The following CSMD1 variants were observed in gnomAD, a reference collection of about 807,000 sequenced individuals.
The protein encoded by CSMD1 is CUB and sushi domain-containing protein 1.
In CSMD1, 213 loss-of-function variants were observed where a neutral mutation model predicts 417.5. That is an observed-to-expected ratio of 0.51 (90% CI 0.46 to 0.57). The LOEUF is 0.57. Ranked by LOEUF, CSMD1 falls within the 20% of genes least tolerant of loss-of-function variation. CSMD1 has a pLI of 0.00. For synonymous variants in CSMD1, 2,862 were observed against 1,736.8 expected (o/e 1.65, Z -16.11); for missense variants, 6,923 against 4,529.7 (o/e 1.53, Z -15.17).
At chr8:4,323,743 C>G (rs533658678) in intron 3 of CSMD1, among the ~76,000 whole-genome samples, 49 of 131,770 alleles carry the variant, frequency 3.7e-4, no homozygotes, top group Non-Finnish European at 7.7e-4. Flanking sequence ...CACATCCGCT[C>G]ACTCAAATAT....
At chr8:3,796,821 G>T (rs973580492) in intron 5 of CSMD1, among the ~76,000 whole-genome samples, 1 of 151,238 alleles carries the variant, frequency 6.6e-6, no homozygotes, top group Non-Finnish European at 1.5e-5. Flanking sequence ...ATCAACATAA[G>T]AGATAAGCTT....
chr8:3,879,283 A>G (rs1036146589), intron 5 of CSMD1, among the ~76,000 whole-genome samples: 6 of 152,198 alleles, frequency 3.9e-5, no homozygotes, highest in African/African-American at 9.6e-5. Context: ...ATATGTATCA[A>G]TATCAAATGT....
At chr8:4,571,626 C>T (rs188494722) in intron 2 of CSMD1, among the ~76,000 whole-genome samples, 83 of 152,172 alleles carry the variant, frequency 5.5e-4, no homozygotes, top group Non-Finnish European at 9.9e-4. Flanking sequence ...CTGTTAATTT[C>T]GGGTGGACAG....
intron 3 of CSMD1, among the ~76,000 whole-genome samples, chr8:4,151,674 G>A (rs1796577092): frequency 2.0e-5 from 3 of 152,042 alleles, no homozygotes; most frequent in Admixed American, 2.0e-4. Context: ...CAACATTATA[G>A]GTGAAAAAAA....
At chr8:3,424,914 G>A (rs1195055789) in intron 12 of CSMD1, among the ~76,000 whole-genome samples, 1 of 152,160 alleles carries the variant, frequency 6.6e-6, no homozygotes, top group Non-Finnish European at 1.5e-5. Flanking sequence ...GACTCACTAT[G>A]ATCTCAGGCT....
At chr8:4,884,529 C>T (rs75094459) in intron 1 of CSMD1, among the ~76,000 whole-genome samples, 2 of 151,782 alleles carry the variant, frequency 1.3e-5, no homozygotes, top group African/African-American at 2.4e-5. Flanking sequence ...CATTTAGGTC[C>T]TTTTTGAGTT....
chr8:3,817,916 C>G (rs575143576), intron 5 of CSMD1, among the ~76,000 whole-genome samples: 1 of 152,192 alleles, frequency 6.6e-6, no homozygotes, highest in African/African-American at 2.4e-5. Flanking sequence ...GCCCTGTTAA[C>G]TACCAGACAA....
rs563631641 is a variant in CSMD1, at chr8:4,336,042, C to A, written c.415+83911G>T. The stretch of plus-strand genomic sequence containing the variant: ...CACTTACTTCTAGATTTCCAAACTT[C>A]CTCCCTGTCTTCAATAATGATTAAG... On this transcript the variant is annotated intron_variant, in intron 3 of 69. Transcript: ENST00000635120. Among the ~76,000 whole-genome samples the A allele has an allele frequency of 2.0e-5, 3 of 152,226 alleles. No individual in the cohort carries two copies. The East Asian group carries it at 5.8e-4, about 29-fold the overall frequency.
intron 1 of CSMD1, among the ~76,000 whole-genome samples, chr8:4,712,327 C>G (rs558703310): frequency 1.3e-5 from 2 of 152,308 alleles, no homozygotes; most frequent in African/African-American, 2.4e-5. Context: ...CACTTCCAAC[C>G]ACGCATTTCC....
intron 2 of CSMD1, among the ~76,000 whole-genome samples, chr8:4,564,928 G>A (rs747903467): frequency 5.3e-5 from 8 of 152,094 alleles, no homozygotes; most frequent in Non-Finnish European, 8.8e-5. Flanking sequence ...AGTTAATAGC[G>A]GCTTTTCTAG....
At chr8:3,970,318 A>G (rs1343005687) in intron 5 of CSMD1, among the ~76,000 whole-genome samples, 1 of 152,224 alleles carries the variant, frequency 6.6e-6, no homozygotes, top group Non-Finnish European at 1.5e-5. Flanking sequence ...ACGGTGATCA[A>G]CACAGAGAAT....
intron 2 of CSMD1, among the ~76,000 whole-genome samples, chr8:4,587,070 T>C (rs4875364): frequency 0.13 from 19,606 of 152,182 alleles, 1,338 homozygotes; most frequent in Middle Eastern, 0.24. Flanking sequence ...CCATGAAACA[T>C]TGCTTTTACT....
intron 3 of CSMD1, among the ~76,000 whole-genome samples, chr8:4,102,752 G>C (rs1435975821): frequency 6.6e-6 from 1 of 152,094 alleles, no homozygotes; most frequent in South Asian, 2.1e-4. Context: ...AGATATTTTT[G>C]AATTTAATTA....
chr8:3,550,761 C>T (rs537610629), intron 10 of CSMD1, among the ~76,000 whole-genome samples: 42 of 152,318 alleles, frequency 2.8e-4, no homozygotes, highest in African/African-American at 9.4e-4. Context: ...ACCAGGCTTG[C>T]ACCACATATT....
Position 4,745,529 on chromosome 8 carries a change from C to A in CSMD1, c.86-107971G>T, listed in dbSNP as rs540103585. ...TTAACATTTTAAGAACCCATTCAGG[C>A]TTTTGTTTGTTCATCTGACTATTCA... is the stretch of plus-strand genomic sequence containing the variant. On this transcript the variant is annotated intron_variant, in intron 1 of 69. Transcript: ENST00000635120. 2.6e-5 allele frequency among the ~76,000 whole-genome samples: 4 copies of A among 152,182 alleles called. No individual in the cohort carries two copies. The South Asian group carries it at 8.3e-4, about 32-fold the overall frequency.
intron 29 of CSMD1, among the ~76,000 whole-genome samples, chr8:3,217,642 T>C (rs993184488): frequency 8.5e-5 from 13 of 152,198 alleles, no homozygotes; most frequent in African/African-American, 3.1e-4. Context: ...TCAAAAGTAC[T>C]GTTTTCAACT....
Position 4,730,598 on chromosome 8 carries a change from G to A in CSMD1, c.86-93040C>T, listed in dbSNP as rs187408493. 1.0e-2 allele frequency among the ~76,000 whole-genome samples: 1,514 copies of A among 152,000 alleles called. 29 individuals are homozygous for A. Among genetic ancestry groups the A allele is most frequent in the East Asian group, 0.07 (360 of 5,108 alleles). ...TACTAAAAATACAAAAAAATTAGCCGGGCGTGGTGGCGGGCGCCTGTAGTC... is the reference window on the plus strand; with the variant it reads ...TACTAAAAATACAAAAAAATTAGCCAGGCGTGGTGGCGGGCGCCTGTAGTC... On this transcript the variant is annotated intron_variant, in intron 1 of 69. Coordinates refer to ENST00000635120, the MANE Select transcript of CSMD1 (RefSeq NM_033225.6).
chr8:4,514,164 T>A (rs1420841643), intron 2 of CSMD1, among the ~76,000 whole-genome samples: 1 of 152,182 alleles, frequency 6.6e-6, no homozygotes, highest in African/African-American at 2.4e-5. Context: ...GCTCTCTTCC[T>A]GGCTTGCAAA....
At chr8:4,633,760 A>G (rs1290966432) in intron 2 of CSMD1, among the ~76,000 whole-genome samples, 1 of 151,906 alleles carries the variant, frequency 6.6e-6, no homozygotes, top group Non-Finnish European at 1.5e-5. Context: ...GGGTTTCATC[A>G]TATTGGCCAA....
Sources: allele counts gnomAD v4.1 joint callset (sites outside exome capture counted in the v4.1 genomes callset), GRCh38; gene constraint gnomAD v4.1.1; transcripts MANE v1.5; gene names NCBI Gene and HGNC (gene_info 2026-07-23, HGNC 2026-07-21).